Variants in PRDX4 observed in about 807,000 individuals in gnomAD.
The protein encoded by PRDX4 is peroxiredoxin-4.
Under a neutral mutation model 20.5 loss-of-function variants are expected in PRDX4, and 12 were observed. The ratio of observed to expected loss-of-function variants is 0.58; its 90% CI spans 0.37 to 0.95. The LOEUF is 0.95. Among genes scored for constraint, PRDX4 ranks in the 40% least tolerant of loss-of-function variants. The pLI, the probability that PRDX4 is intolerant of heterozygous loss-of-function variation, is 0.01. For missense variants in PRDX4, 180 were observed against 207.3 expected (o/e 0.87, Z 0.81); for synonymous variants, 99 against 87.5 (o/e 1.13, Z -0.73).
At chrX:23,682,608 A>T in intron 5 of PRDX4, 82 bp downstream of exon 5, 1 of 800,778 alleles carries the variant, frequency 1.2e-6, no homozygotes, top group Non-Finnish European at 1.7e-6. Flanking sequence ...AAAGTAATCG[A>T]TATTTCCAAA....
Position 23,679,156 on chromosome X carries a change from T to C in PRDX4, c.477-9T>C. 8.3e-7 allele frequency: 1 copy of C among 1,206,171 alleles called. No individual in the cohort carries two copies. The highest frequency in any genetic ancestry group is 1.1e-6 in the Non-Finnish European group (1 of 893,165). ...TAGCTCTGAGAGGTAAGCGTTCTGT[T>C]TGTTACAGGATTAATACCCCTCGAA... On this transcript the variant is annotated splice_polypyrimidine_tract_variant and intron_variant, in intron 3 of 6. Transcript: ENST00000379341.
At chrX:23,683,650 G>T in intron 5 of PRDX4, 21 bp from the exon 6 acceptor site, 1 of 1,201,945 alleles carries the variant, frequency 8.3e-7, no homozygotes, top group Non-Finnish European at 1.1e-6. Flanking sequence ...AATGTCTTCT[G>T]CCTCTTTTTG....
At chrX:23,677,840 A>G (rs1182796272) in intron 3 of PRDX4, among the ~76,000 whole-genome samples, 2 of 112,427 alleles carry the variant, frequency 1.8e-5, no homozygotes, top group Admixed American at 1.9e-4. Flanking sequence ...AATCTTCATC[A>G]TGGAATTAAG....
chrX:23,682,550 G>T, intron 5 of PRDX4, 24 bp downstream of exon 5: 1 of 1,081,772 alleles, frequency 9.2e-7, no homozygotes, highest in East Asian at 3.6e-5. Context: ...CTAACCTTTT[G>T]ATTTTTTAGT....
chrX:23,671,222 T>G (rs1388576425), intron 1 of PRDX4, among the ~76,000 whole-genome samples: 1 of 112,204 alleles, frequency 8.9e-6, no homozygotes, highest in Admixed American at 9.5e-5. Context: ...CATCATTATC[T>G]TACGTAGTTG....
intron 3 of PRDX4, among the ~76,000 whole-genome samples, chrX:23,676,898 C>A (rs1927961468): frequency 9.0e-6 from 1 of 110,852 alleles, no homozygotes. Flanking sequence ...TGCAGTGGCA[C>A]AATCAATCAT....
At chrX:23,672,218 G>A (rs1601789525) in intron 2 of PRDX4, among the ~76,000 whole-genome samples, 1 of 111,564 alleles carries the variant, frequency 9.0e-6, no homozygotes, top group Non-Finnish European at 1.9e-5. Flanking sequence ...CTGAGATAGT[G>A]CCACTGCACT....
chrX:23,668,360 T>C (rs900225167), intron 1 of PRDX4, among the ~76,000 whole-genome samples: 3 of 112,600 alleles, frequency 2.7e-5, no homozygotes, highest in South Asian at 7.3e-4. Context: ...ATATTCCTTA[T>C]GTTTCTCAGA....
chrX:23,679,508 A>C (rs930357604), intron 4 of PRDX4, among the ~76,000 whole-genome samples: 3 of 109,475 alleles, frequency 2.7e-5, no homozygotes, highest in Non-Finnish European at 3.8e-5. Context: ...AACATGGTGA[A>C]ACCCTGTCTC....
At chrX:23,679,095 A>C in intron 3 of PRDX4, 70 bp from the exon 4 acceptor site, 1 of 1,089,657 alleles carries the variant, frequency 9.2e-7, no homozygotes, top group Non-Finnish European at 1.2e-6. Context: ...GTGCATGTAT[A>C]GAGAAAGAGT....
At chrX:23,674,865 C>A (rs1927912602) in intron 2 of PRDX4, 125 bp from the exon 3 acceptor site, 1 of 933,791 alleles carries the variant, frequency 1.1e-6, no homozygotes, top group Non-Finnish European at 1.4e-6. Context: ...TGAAAAGGTT[C>A]AAATATAAAA....
intron 5 of PRDX4, among the ~76,000 whole-genome samples, chrX:23,683,280 G>T (rs3795229): frequency 1.8e-5 from 2 of 111,265 alleles, no homozygotes; most frequent in East Asian, 5.6e-4. Context: ...CATGTCATCA[G>T]TACAAAGTAC....
At chrX:23,673,711 G>A (rs939327021) in intron 2 of PRDX4, among the ~76,000 whole-genome samples, 26 of 108,267 alleles carry the variant, frequency 2.4e-4, no homozygotes, top group South Asian at 8.2e-4. Flanking sequence ...AGCTGAGATC[G>A]CGCCACTGCA....
intron 1 of PRDX4, among the ~76,000 whole-genome samples, chrX:23,669,679 G>A (rs1186016114): frequency 9.0e-6 from 1 of 111,490 alleles, no homozygotes; most frequent in Non-Finnish European, 1.9e-5. Context: ...CACTTTGGGA[G>A]GCCGAGGCCA....
intron 5 of PRDX4, among the ~76,000 whole-genome samples, chrX:23,682,853 A>AAAAT (rs1555933130): frequency 7.4e-4 from 11 of 14,878 alleles, no homozygotes; most frequent in African/African-American, 1.5e-3. Flanking sequence ...AAAAAAAAAA[A>AAAAT]ATATATATAT....
chrX:23,667,544 G>C lies in PRDX4; in HGVS notation c.-27G>C. ...GCGGCAGAAGCGGCGCTCGCGCCAA[G>C]GGACGTGTTTCTGCGCTCGCGTGGT... On this transcript the variant is annotated 5_prime_UTR_variant, in exon 1 of 7. Transcript: ENST00000379341. 8.6e-7 allele frequency: 1 copy of C among 1,163,646 alleles called. No homozygotes were observed. The highest frequency in any genetic ancestry group is 1.1e-6 in the Non-Finnish European group (1 of 871,996).
At position 23,667,498 on chromosome X, in the gene PRDX4, C is replaced by G; in HGVS notation, c.-73C>G. On this transcript the variant is annotated 5_prime_UTR_variant, in exon 1 of 7. Coordinates refer to ENST00000379341, the MANE Select transcript of PRDX4 (RefSeq NM_006406.2). ...CCCCGGTTCGCGCGGGCGTCGTGCA[C>G]GCGGTTGTAGCTGCCCGGCGGCGGC... 2 of 1,098,231 alleles carry G rather than the reference C, an allele frequency of 1.8e-6. No individual in the cohort carries two copies. Among genetic ancestry groups the G allele is most frequent in the Non-Finnish European group, 1.2e-6 (1 of 845,091 alleles). 90.5% of individuals were successfully genotyped at this position (1,098,231 alleles called of 1,213,427 possible).
At chrX:23,683,542 C>A in intron 5 of PRDX4, 129 bp from the exon 6 acceptor site, 1 of 573,672 alleles carries the variant, frequency 1.7e-6, no homozygotes, top group East Asian at 3.8e-5. Flanking sequence ...AAGTCATGTG[C>A]TCGGTGGTCT....
rs9331476 is a variant in PRDX4, at chrX:23,682,244, C to CGTGTGT, written c.600-135_600-130dup. 332 of 179,235 alleles carry CGTGTGT rather than the reference C, an allele frequency of 1.9e-3. 2 individuals carry two copies. Among genetic ancestry groups the CGTGTGT allele is most frequent in the African/African-American group, 9.5e-3 (292 of 30,656 alleles). 14.8% of individuals were successfully genotyped at this position (179,235 alleles called of 1,213,427 possible). On this transcript the variant is annotated intron_variant, in intron 4 of 6. Transcript: ENST00000379341. ...GGAGGGATGTCCACAGGTGTGTGTA[C>CGTGTGT]GTGTGTGTGTGTGTGTGTGTGTATA...
Sources: allele counts gnomAD v4.1 joint callset (sites outside exome capture counted in the v4.1 genomes callset), GRCh38; gene constraint gnomAD v4.1.1; transcripts MANE v1.5; gene names NCBI Gene and HGNC (gene_info 2026-07-23, HGNC 2026-07-21).